Variants in PACS2 observed in about 807,000 individuals in gnomAD.
PACS2 encodes the protein phosphofurin acidic cluster sorting protein 2, also known as PACS1-like protein.
A neutral mutation model predicts 113.0 loss-of-function variants in PACS2; 36 were observed. That is an observed-to-expected ratio of 0.32 (90% confidence interval 0.24 to 0.42). PACS2 has a LOEUF of 0.42. Among genes scored for constraint, PACS2 ranks in the 10% least tolerant of loss-of-function variants. The pLI, the probability that PACS2 is intolerant of heterozygous loss-of-function variation, is 1.00. For synonymous variants in PACS2, 589 were observed against 536.1 expected (o/e 1.10, Z -1.36); for missense variants, 1,015 against 1,239.5 (o/e 0.82, Z 2.72).
intron 1 of PACS2, among the ~76,000 whole-genome samples, chr14:105,316,213 T>A (rs901880164): frequency 2.0e-5 from 3 of 151,698 alleles, no homozygotes; most frequent in African/African-American, 7.3e-5. Context: ...TGGCGGGGCC[T>A]CCCGAAGGAC....
At chr14:105,336,921 G>C (rs782712463) in intron 1 of PACS2, among the ~76,000 whole-genome samples, 11 of 152,014 alleles carry the variant, frequency 7.2e-5, no homozygotes, top group Non-Finnish European at 1.3e-4. Flanking sequence ...GCCTCCAGGG[G>C]AGATCTCCAC....
intron 1 of PACS2, among the ~76,000 whole-genome samples, chr14:105,322,609 C>G (rs2140852371): frequency 6.6e-6 from 1 of 152,344 alleles, no homozygotes; most frequent in Non-Finnish European, 1.5e-5. Context: ...TATCTTTACT[C>G]TCCTGCTGAA....
intron 1 of PACS2, among the ~76,000 whole-genome samples, chr14:105,346,450 T>A (rs1051434032): frequency 6.7e-6 from 1 of 150,248 alleles, no homozygotes; most frequent in Non-Finnish European, 1.5e-5. Flanking sequence ...CCCGTGGCCC[T>A]GCATGCACGG....
intron 4 of PACS2, among the ~76,000 whole-genome samples, chr14:105,363,401 CGCT>C (rs2060807227): frequency 6.6e-6 from 1 of 152,196 alleles, no homozygotes; most frequent in African/African-American, 2.4e-5. Flanking sequence ...CTAGAGAACT[CGCT>C]GCAGCTTCTC....
chr14:105,338,012 T>G (rs2059589739), intron 1 of PACS2, among the ~76,000 whole-genome samples: 1 of 152,192 alleles, frequency 6.6e-6, no homozygotes, highest in South Asian at 2.1e-4. Flanking sequence ...GAGCATACTG[T>G]TGGGCCATGC....
chr14:105,351,322 G>T (rs1202708537), intron 2 of PACS2, among the ~76,000 whole-genome samples: 2 of 152,160 alleles, frequency 1.3e-5, no homozygotes, highest in South Asian at 2.1e-4. Flanking sequence ...TGTCTTTCAC[G>T]CAAATGACTC....
intron 1 of PACS2, among the ~76,000 whole-genome samples, chr14:105,302,590 A>G (rs1037923435): frequency 6.6e-6 from 1 of 151,412 alleles, no homozygotes; most frequent in Non-Finnish European, 1.5e-5. Flanking sequence ...TAGTTTCTTC[A>G]TTTTTTAAAA....
At chr14:105,372,276 T>C (rs1287174453) in intron 8 of PACS2, 1 of 152,270 alleles carries the variant, frequency 6.6e-6, no homozygotes, top group Non-Finnish European at 1.5e-5. Context: ...GGCTGCCTTC[T>C]GAATTTTTCA....
At chr14:105,391,150 G>A (rs1566971036) in intron 20 of PACS2, 57 bp from the exon 21 acceptor site, 2 of 1,403,572 alleles carry the variant, frequency 1.4e-6, no homozygotes, top group African/African-American at 2.8e-5. Context: ...CCACTGGGAG[G>A]GCGCTGGGCT....
At chr14:105,326,219 G>A in intron 1 of PACS2, among the ~76,000 whole-genome samples, 1 of 152,212 alleles carries the variant, frequency 6.6e-6, no homozygotes, top group East Asian at 1.9e-4. Flanking sequence ...GTGGGGCGGG[G>A]GCTCCCCCGC....
chr14:105,389,232 C>G (rs958341899), intron 19 of PACS2: 7 of 152,532 alleles, frequency 4.6e-5, no homozygotes, highest in African/African-American at 1.4e-4. Context: ...CGGGCTGTGA[C>G]CAGACTTCCA....
Position 105,324,281 on chromosome 14 carries a change from C to T in PACS2, c.119+9244C>T, listed in dbSNP as rs587760624. Among the ~76,000 whole-genome samples the T allele has an allele frequency of 7.2e-5, 11 of 152,226 alleles. 1 individual carries two copies. Among genetic ancestry groups the T allele is most frequent in the African/African-American group, 2.6e-4 (11 of 41,532 alleles). On this transcript the variant is annotated intron_variant, in intron 1 of 24. Coordinates refer to ENST00000447393, the MANE Select transcript of PACS2 (RefSeq NM_001100913.3). This position sits in a 1 kb window ranked among gnomAD's most constrained non-coding sequence, Gnocchi z 4.7. ...ACGGGGGTCTCTTTGGACCCTGTGA[C>T]TTGTGTGTGGTGGTGGCAGGCAGTG...
intron 10 of PACS2, 45 bp from the exon 11 acceptor site, chr14:105,380,035 C>A: frequency 6.6e-7 from 1 of 1,515,164 alleles, no homozygotes; most frequent in Non-Finnish European, 9.0e-7. Flanking sequence ...AGCGCCTTGG[C>A]ACCTGCAGTT....
rs782604902 is a variant in PACS2, at chr14:105,376,753, C to T, written c.802-15C>T. ...GCTGCTGCAGGGAACTCACGCGTGC[C>T]TGGCACCCGTGCAGGTCCTGGACTC... On this transcript the variant is annotated splice_polypyrimidine_tract_variant and intron_variant, in intron 8 of 24. Coordinates refer to ENST00000447393, the MANE Select transcript of PACS2 (RefSeq NM_001100913.3). The surrounding 1 kb of genome is among the most constrained non-coding windows in gnomAD (Gnocchi z 4.7). The T allele has an allele frequency of 5.6e-6, 9 of 1,610,714 alleles. No homozygotes were observed. In the East Asian group the frequency reaches 2.0e-4, roughly 36 times the overall value.
At chr14:105,362,395 C>G (rs778417482) in intron 4 of PACS2, among the ~76,000 whole-genome samples, 4 of 139,606 alleles carry the variant, frequency 2.9e-5, no homozygotes, top group Admixed American at 1.5e-4. Context: ...CCAGCCTGGG[C>G]GACAGAGCGA....
chr14:105,353,061 A>G (rs376506917), intron 3 of PACS2, among the ~76,000 whole-genome samples: 7 of 18,780 alleles, frequency 3.7e-4, no homozygotes, highest in Admixed American at 1.3e-3. Context: ...GGAGACGGGC[A>G]CCCCCATCAC....
At position 105,314,944 on chromosome 14, in the gene PACS2, TC is replaced by T; in HGVS notation, c.30del (p.Gly11AlafsTer12). 8.6e-7 allele frequency: 1 copy of T among 1,159,410 alleles called. No individual in the cohort carries two copies. The highest frequency in any genetic ancestry group is 1.1e-6 in the Non-Finnish European group (1 of 925,302). 71.8% of individuals were successfully genotyped at this position (1,159,410 alleles called of 1,614,324 possible). A position where few individuals can be genotyped will look rare whatever the true frequency, so the allele number is the denominator to read the frequency against. ...ATGGCCGAGCGAGGCCGCCTCGGCC[TC>T]CCCGGCGCGCCCGGCGCGCTCAACA... is the stretch of plus-strand genomic sequence containing the variant. MAERGRLG[L>X]PGAPGALNTP... On this transcript the variant is annotated frameshift_variant, in exon 1 of 25. Coordinates refer to ENST00000447393, the MANE Select transcript of PACS2 (RefSeq NM_001100913.3). LOFTEE classifies it high-confidence loss of function.
intron 22 of PACS2, chr14:105,392,279 C>T: frequency 2.5e-6 from 1 of 402,664 alleles, no homozygotes; most frequent in Non-Finnish European, 4.5e-6. Flanking sequence ...ACCCCCCTGC[C>T]TCTGTGTTTC....
chr14:105,310,283 C>A (rs1010561965), upstream of PACS2, among the ~76,000 whole-genome samples: 1 of 151,106 alleles, frequency 6.6e-6, no homozygotes, highest in Admixed American at 6.6e-5. Context: ...GTAATCCCAG[C>A]ACTTTGGGAG....
Sources: allele counts gnomAD v4.1 joint callset (sites outside exome capture counted in the v4.1 genomes callset), GRCh38; gene constraint gnomAD v4.1.1; non-coding constraint Gnocchi (gnomAD v3.1); transcripts MANE v1.5; gene names NCBI Gene and HGNC (gene_info 2026-07-23, HGNC 2026-07-21).